Variants in GGCT observed in about 807,000 individuals in gnomAD.
The protein encoded by GGCT is cytochrome c-releasing factor 21.
A neutral mutation model predicts 22.1 loss-of-function variants in GGCT; 20 were observed. The observed-to-expected ratio is 0.91, with a 90% CI of 0.64 to 1.32. The LOEUF (loss-of-function observed/expected upper bound fraction) is 1.32. Among genes scored for constraint, GGCT ranks in the 40% most tolerant of loss-of-function variants. The pLI is 0.00. For synonymous variants in GGCT, 72 were observed against 78.4 expected, an observed-to-expected ratio of 0.92 and a Z score of 0.43; for missense variants, 209 against 223.5, an observed-to-expected ratio of 0.94 and a Z score of 0.41.
In GGCT at chr7:30,504,634, G is replaced by A. The variant is rs1339370264; in HGVS notation, c.76C>T (p.Leu26=). 4 of 1,613,964 alleles carry A rather than the reference G, an allele frequency of 2.5e-6. No individual in the cohort carries two copies. Among genetic ancestry groups the A allele is most frequent in the Admixed American group, 3.3e-5 (2 of 60,014 alleles). The change falls in exon 1 of 4, where the codon CTG becomes TTG. Residue 26 remains leucine, a synonymous_variant. Coordinates refer to ENST00000275428, the MANE Select transcript of GGCT (RefSeq NM_024051.4). ...SFLYFAYGSN[L]LTERIHLRNP... is the part of the protein sequence containing the mutation. Reference sequence around the variant, plus strand: ...CGGAGGTGGATCCTCTCTGTCAGCAGGTTGCTGCCGTAGGCAAAGTACAGA... The same window carrying A: ...CGGAGGTGGATCCTCTCTGTCAGCAAGTTGCTGCCGTAGGCAAAGTACAGA...
intron 1 of GGCT, 62 bp downstream of exon 1, chr7:30,504,507 C>G: frequency 1.9e-6 from 3 of 1,592,558 alleles, no homozygotes; most frequent in Non-Finnish European, 2.6e-6. Flanking sequence ...ACGTGTGCCC[C>G]CGAGGAAGCG....
intron 3 of GGCT, chr7:30,497,997 T>G: frequency 9.0e-6 from 2 of 222,504 alleles, no homozygotes; most frequent in Non-Finnish European, 1.8e-5. Context: ...GAGAAAAACA[T>G]TACAAAAGCA....
At chr7:30,503,217 C>G (rs1789743128) in intron 1 of GGCT, among the ~76,000 whole-genome samples, 1 of 152,202 alleles carries the variant, frequency 6.6e-6, no homozygotes, top group Non-Finnish European at 1.5e-5. Context: ...CTTTGCATGC[C>G]TCCTTTTTAA....
At chr7:30,503,765 A>G (rs1789756416) in intron 1 of GGCT, among the ~76,000 whole-genome samples, 2 of 138,540 alleles carry the variant, frequency 1.4e-5, no homozygotes, top group South Asian at 2.3e-4. Flanking sequence ...GCTCTCCAAT[A>G]GCCTTTCAAC....
intron 2 of GGCT, among the ~76,000 whole-genome samples, chr7:30,499,428 G>A (rs1033747171): frequency 2.0e-5 from 3 of 151,438 alleles, no homozygotes; most frequent in African/African-American, 7.3e-5. Flanking sequence ...AAAAGGCCGG[G>A]TGCAGTGGCT....
At chr7:30,502,822 A>C (rs986742461) in intron 1 of GGCT, among the ~76,000 whole-genome samples, 5 of 152,128 alleles carry the variant, frequency 3.3e-5, no homozygotes, top group Non-Finnish European at 7.3e-5. Context: ...TGCTGCAAAA[A>C]CTTCTTGAAC....
Position 30,498,951 on chromosome 7 carries a change from CAGCCAAATTTTAACCACATTTGACCT to C in GGCT, c.288-39_288-14del, listed in dbSNP as rs1789629195. 1.9e-6 allele frequency: 3 copies of C among 1,613,730 alleles called. No homozygotes were observed. Among genetic ancestry groups the C allele is most frequent in the Non-Finnish European group, 2.5e-6 (3 of 1,179,704 alleles). On this transcript the variant is annotated splice_polypyrimidine_tract_variant and intron_variant, in intron 2 of 3. Transcript: ENST00000275428. ...AACCCCTTCTTGCCTGAAACCAGAACAGCCAAATTTTAACCACATTTGACCTAGCCAATTTAGCTCACTGGGTAAGG... is the reference window on the plus strand; with the variant it reads ...AACCCCTTCTTGCCTGAAACCAGAACAGCCAATTTAGCTCACTGGGTAAGG...
rs529376467 is a variant in GGCT at position 30,499,124 on chromosome 7, C to T, written c.288-186G>A. 7.5e-5 allele frequency: 48 copies of T among 643,692 alleles called. No individual in the cohort carries two copies. In the African/African-American group the frequency reaches 7.8e-4, roughly 10 times the overall value. 39.9% of individuals were successfully genotyped at this position (643,692 alleles called of 1,614,324 possible). ...TTTACCACATCAAAAGTAAGCTTAG[C>T]ATTTAGGCTGGGTACGGTGGCTCAC... On this transcript the variant is annotated intron_variant, in intron 2 of 3. Coordinates refer to ENST00000275428, the MANE Select transcript of GGCT (RefSeq NM_024051.4).
intron 1 of GGCT, among the ~76,000 whole-genome samples, chr7:30,501,363 C>T (rs563572300): frequency 6.6e-5 from 10 of 152,228 alleles, no homozygotes; most frequent in Admixed American, 5.2e-4. Flanking sequence ...TCTGGGAGGC[C>T]GTGGCGGGTG....
At position 30,502,077 on chromosome 7, in the gene GGCT, G is replaced by C. The variant is rs912082809; in HGVS notation, c.142-1396C>G. On this transcript the variant is annotated intron_variant, in intron 1 of 3. Coordinates refer to ENST00000275428, the MANE Select transcript of GGCT (RefSeq NM_024051.4). ...TTTCCTGATTTTCAGGCTGTTCCTT[G>C]ATCTCAATCCCCTTTGCCAACTCCT... Among the ~76,000 whole-genome samples the C allele has an allele frequency of 2.0e-5, 3 of 152,266 alleles. No individual in the cohort carries two copies. The East Asian group carries it at 5.8e-4, about 29-fold the overall frequency.
intron 1 of GGCT, among the ~76,000 whole-genome samples, chr7:30,501,883 G>T (rs1297217130): frequency 1.3e-5 from 2 of 152,246 alleles, no homozygotes; most frequent in Admixed American, 1.3e-4. Flanking sequence ...CAGCATAAGA[G>T]ATGTTCTTCT....
chr7:30,497,254 AACAG>A lies in GGCT; in HGVS notation c.424-23_424-20del, dbSNP rs931662164. ...AAATAATCTGGAAATGGTTAAAACA[AACAG>A]ACAAAAAAACCCTTTCAGTTAGGAA... On this transcript the variant is annotated intron_variant, in intron 3 of 3. Transcript: ENST00000275428. The A allele has an allele frequency of 4.4e-6, 7 of 1,583,738 alleles. No individual in the cohort carries two copies. The highest frequency in any genetic ancestry group is 1.4e-5 in the African/African-American group (1 of 72,820).
chr7:30,503,289 C>G (rs1241505967), intron 1 of GGCT, among the ~76,000 whole-genome samples: 2 of 152,214 alleles, frequency 1.3e-5, no homozygotes, highest in Non-Finnish European at 2.9e-5. Flanking sequence ...CTTGCCCTGA[C>G]TGTAAGCATT....
chr7:30,498,061 A>G (rs1021554015), intron 3 of GGCT, among the ~76,000 whole-genome samples: 33 of 147,484 alleles, frequency 2.2e-4, no homozygotes, highest in African/African-American at 7.6e-4. Flanking sequence ...ACATATATGT[A>G]TATATATATA....
chr7:30,498,308 A>AAATCATTATATCATTATATCAAAAATAT, intron 3 of GGCT, among the ~76,000 whole-genome samples: 1 of 152,076 alleles, frequency 6.6e-6, no homozygotes, highest in Admixed American at 6.5e-5. Context: ...CTATCATTAC[A>AAATCATTATATCATTATATCAAAAATAT]CATAATATTT....
At chr7:30,502,983 T>A (rs927931568) in intron 1 of GGCT, among the ~76,000 whole-genome samples, 1 of 152,196 alleles carries the variant, frequency 6.6e-6, no homozygotes, top group Admixed American at 6.5e-5. Context: ...CTTCCACATA[T>A]CTCCAGTCTT....
At chr7:30,504,192 T>G (rs955673846) in intron 1 of GGCT, among the ~76,000 whole-genome samples, 2 of 152,212 alleles carry the variant, frequency 1.3e-5, no homozygotes, top group Non-Finnish European at 2.9e-5. Context: ...AGGTGAGAAG[T>G]GCTGTAACAA....
At chr7:30,497,894 C>T (rs755258878) in intron 3 of GGCT, 18 of 1,403,014 alleles carry the variant, frequency 1.3e-5, no homozygotes. Flanking sequence ...TTTCTTTCTC[C>T]ACCTAGGGAT....
intron 1 of GGCT, among the ~76,000 whole-genome samples, chr7:30,503,482 A>G (rs541696835): frequency 2.0e-5 from 3 of 152,202 alleles, no homozygotes; most frequent in Non-Finnish European, 4.4e-5. Context: ...GGGGCTTTCA[A>G]TTAGAAGCTA....
Sources: gnomAD v4.1 joint callset for allele counts (sites outside exome capture counted in the v4.1 genomes callset) on GRCh38, gnomAD v4.1.1 for gene constraint, MANE v1.5 for transcripts, NCBI Gene and HGNC (gene_info 2026-07-23, HGNC 2026-07-21) for gene names.